Variants in PMS2 observed in about 807,000 individuals in gnomAD.
The protein encoded by PMS2 is PMS1 homolog 2, mismatch repair system component.
A neutral mutation model predicts 90.0 loss-of-function variants in PMS2; 69 were observed. That is an observed-to-expected ratio of 0.77 (90% CI 0.63 to 0.94). PMS2 has a LOEUF of 0.94. Ranked by LOEUF, PMS2 falls within the 40% of genes least tolerant of loss-of-function variation. PMS2 has a pLI of 0.00. For missense variants in PMS2, 966 were observed against 1,040.2 expected (o/e 0.93, Z 0.98); for synonymous variants, 332 against 375.1 (o/e 0.89, Z 1.33).
chr7:6,002,015 T>TAA (rs1057057747), intron 5 of PMS2: 2 of 150,990 alleles, frequency 1.3e-5, no homozygotes, highest in African/African-American at 4.8e-5. Context: ...AAATAAAAAA[T>TAA]AAAAAATATA....
At chr7:6,006,556 G>C (rs1583421868) in intron 1 of PMS2, among the ~76,000 whole-genome samples, 1 of 152,122 alleles carries the variant, frequency 6.6e-6, no homozygotes, top group Admixed American at 6.6e-5. Context: ...AGGAGGCTGA[G>C]GCAGGAGAAT....
At chr7:5,986,699 T>A in intron 11 of PMS2, 60 bp downstream of exon 11, 1 of 1,329,754 alleles carries the variant, frequency 7.5e-7, no homozygotes, top group Non-Finnish European at 1.0e-6. Context: ...CTCAAAAAAA[T>A]AAAAAATAAA....
Position 5,989,918 on chromosome 7 carries a change from T to C in PMS2, c.1026A>G (p.Gln342=), listed in dbSNP as rs561993366. 2.2e-5 allele frequency: 35 copies of C among 1,611,626 alleles called. No individual in the cohort carries two copies. In the South Asian group the frequency reaches 3.3e-4, roughly 15 times the overall value. The change falls in exon 10 of 15, where the codon CAA becomes CAG. Residue 342 remains glutamine, a synonymous_variant. Coordinates refer to ENST00000265849, the MANE Select transcript of PMS2 (RefSeq NM_000535.7). ...AAAGCTTTTCCTCTTGTAGCAAAAT[T>C]TGCCTTTTATCTGGAGTAACATTGA... ...VDINVTPDKR[Q]ILLQEEKLLL...
rs1783798592 is a variant in PMS2, at chr7:5,992,010, C to T, written c.951G>A (p.Gln317=). 6.2e-7 allele frequency: 1 copy of T among 1,601,912 alleles called. No individual in the cohort carries two copies. The highest frequency in any genetic ancestry group is 8.6e-7 in the Non-Finnish European group (1 of 1,169,008). Residue 317 remains glutamine, a synonymous_variant, in exon 9 of 15, where the codon CAG becomes CAA. Coordinates refer to ENST00000265849, the MANE Select transcript of PMS2 (RefSeq NM_000535.7). Reference sequence around the variant, plus strand: ...AAATGTTAAGAACAACAAATGGATACTGGTGTCGATTATACATGTGGTAGA... The same window carrying T: ...AAATGTTAAGAACAACAAATGGATATTGGTGTCGATTATACATGTGGTAGA... ...NEVYHMYNRH[Q]YPFVVLNISV...
rs763057312 is a variant in PMS2 at position 6,003,695 on chromosome 7, T to C, written c.348A>G (p.Ala116=). ...GGATAAAAATATTGTATCACCTCAG[T>C]GCACAAAGTGAGCTCAGAGCTTCCC... ...FRGEALSSLC[A]LSDVTISTCH... Residue 116 remains alanine, a synonymous_variant, in exon 4 of 15, where the codon GCA becomes GCG. Coordinates refer to ENST00000265849, the MANE Select transcript of PMS2 (RefSeq NM_000535.7). 3.2e-6 allele frequency: 5 copies of C among 1,562,592 alleles called. No individual in the cohort carries two copies. The African/African-American group carries it at 5.4e-5, about 17-fold the overall frequency.
At chr7:5,996,644 C>G (rs1784444322) in intron 7 of PMS2, among the ~76,000 whole-genome samples, 1 of 145,506 alleles carries the variant, frequency 6.9e-6, no homozygotes, top group African/African-American at 2.5e-5. Flanking sequence ...TTTACAGGAC[C>G]AATCCTATTT....
In PMS2 at chr7:5,973,145, A is replaced by T. The variant is rs1183495696; in HGVS notation, c.*254T>A. The T allele has an allele frequency of 2.6e-6, 1 of 389,570 alleles. No homozygotes were observed. Among genetic ancestry groups the T allele is most frequent in the Non-Finnish European group, 4.8e-6 (1 of 208,782 alleles). The allele number at this position is 389,570 out of a possible 1,614,324, so 24.1% of individuals were successfully genotyped here. A position where few individuals can be genotyped will look rare whatever the true frequency, so the allele number is the denominator to read the frequency against. On this transcript the variant is annotated 3_prime_UTR_variant, in exon 15 of 15. Transcript: ENST00000265849. Reference sequence around the variant, plus strand: ...GGCATGAGCCACCATGCCCAGCCCAAGTGTTCTTATTTTTATAAAATGTGT... The same window carrying T: ...GGCATGAGCCACCATGCCCAGCCCATGTGTTCTTATTTTTATAAAATGTGT...
chr7:6,008,008 C>T (rs1473871446), intron 1 of PMS2, among the ~76,000 whole-genome samples: 1 of 152,068 alleles, frequency 6.6e-6, no homozygotes, highest in South Asian at 2.1e-4. Context: ...TACAGGCTCC[C>T]GCCATCATGC....
chr7:6,007,804 T>C (rs2128857948), intron 1 of PMS2, among the ~76,000 whole-genome samples: 1 of 151,856 alleles, frequency 6.6e-6, no homozygotes, highest in East Asian at 1.9e-4. Flanking sequence ...AAGAAGTATC[T>C]CTAAAAATAA....
At chr7:5,996,293 C>T (rs1784379954) in intron 7 of PMS2, among the ~76,000 whole-genome samples, 1 of 151,568 alleles carries the variant, frequency 6.6e-6, no homozygotes, top group Non-Finnish European at 1.5e-5. Flanking sequence ...GTGGCTCATG[C>T]CTGTAATTCC....
Position 5,989,005 on chromosome 7 carries a change from G to A in PMS2, c.1144+795C>T, listed in dbSNP as rs188303085. Among the ~76,000 whole-genome samples the A allele has an allele frequency of 9.8e-3, 1,483 of 151,880 alleles. 13 individuals carry two copies. Among genetic ancestry groups the A allele is most frequent in the Middle Eastern group, 0.014 (4 of 294 alleles). ...TGAGTAGCTGGGACTACAGGCGCCC[G>A]CCACCACGCCCGGCTAATTTTTTGT... On this transcript the variant is annotated intron_variant, in intron 10 of 14. Coordinates refer to ENST00000265849, the MANE Select transcript of PMS2 (RefSeq NM_000535.7).
chr7:6,003,609 C>G (rs1306001788), intron 4 of PMS2, 81 bp downstream of exon 4: 1 of 798,262 alleles, frequency 1.3e-6, no homozygotes, highest in Non-Finnish European at 2.1e-6. Flanking sequence ...AGATAGAAAA[C>G]TGAAAATAAT....
intron 9 of PMS2, 27 bp from the exon 10 acceptor site, chr7:5,989,982 T>G (rs1199923636): frequency 9.3e-6 from 13 of 1,405,392 alleles, no homozygotes; most frequent in Non-Finnish European, 1.3e-5. Flanking sequence ...AACATATTTA[T>G]TATGTTTAAA....
chr7:6,001,167 C>T (rs947012974), intron 5 of PMS2, among the ~76,000 whole-genome samples: 1 of 152,124 alleles, frequency 6.6e-6, no homozygotes, highest in Non-Finnish European at 1.5e-5. Context: ...CTGCTGAGAA[C>T]ATGAAAGTGC....
intron 10 of PMS2, among the ~76,000 whole-genome samples, chr7:5,988,743 G>C (rs1484872955): frequency 2.6e-5 from 4 of 152,060 alleles, no homozygotes; most frequent in African/African-American, 9.7e-5. Context: ...ACATGACTTG[G>C]GTGAATCTCA....
chr7:5,989,066 A>G (rs909540782), intron 10 of PMS2, among the ~76,000 whole-genome samples: 1 of 152,100 alleles, frequency 6.6e-6, no homozygotes, highest in Non-Finnish European at 1.5e-5. Context: ...CGTGTTAGAT[A>G]GTCTCGATCT....
In PMS2 at chr7:6,002,791, A is replaced by T. The variant is rs1180973445; in HGVS notation, c.354-155T>A. The stretch of plus-strand genomic sequence containing the variant: ...AGATCTAAATGGTTGAGGAGTCATC[A>T]TAAAATCTAAGGTTTGGCATCTAAA... On this transcript the variant is annotated intron_variant, in intron 4 of 14. Transcript: ENST00000265849. Among the ~76,000 whole-genome samples, 4 of 152,212 alleles carry T rather than the reference A, an allele frequency of 2.6e-5. No homozygotes were observed. The South Asian group carries it at 8.3e-4, about 31-fold the overall frequency.
chr7:5,995,642 C>T lies in PMS2; in HGVS notation c.804-9G>A, dbSNP rs780427536. ...AAATGAAACCTGAGATGCTATTCAA[C>T]ATTAATATGGTAAGGGCAGGATTCC... On this transcript the variant is annotated splice_polypyrimidine_tract_variant and intron_variant, in intron 7 of 14. Transcript: ENST00000265849. 6.4e-6 allele frequency: 10 copies of T among 1,573,288 alleles called. No individual in the cohort carries two copies. The highest frequency in any genetic ancestry group is 7.9e-6 in the Non-Finnish European group (9 of 1,142,694).
In PMS2 at chr7:6,009,042, C is replaced by T. The variant is rs775305707; in HGVS notation, c.-23G>A. 1.9e-6 allele frequency: 3 copies of T among 1,612,334 alleles called. No homozygotes were observed. Among genetic ancestry groups the T allele is most frequent in the Admixed American group, 1.7e-5 (1 of 60,018 alleles). On this transcript the variant is annotated 5_prime_UTR_variant, in exon 1 of 15. Transcript: ENST00000265849. ...CATGGATGCAACACCCGATCCGCCTCGGGGACTGGGAAAGTTCCCTCCAGG... is the reference window on the plus strand; with the variant it reads ...CATGGATGCAACACCCGATCCGCCTTGGGGACTGGGAAAGTTCCCTCCAGG...
Sources: allele counts gnomAD v4.1 joint callset (sites outside exome capture counted in the v4.1 genomes callset), GRCh38; gene constraint gnomAD v4.1.1; transcripts MANE v1.5; gene names NCBI Gene and HGNC (gene_info 2026-07-23, HGNC 2026-07-21).